The following UPF1 variants were observed in gnomAD, a reference collection of about 807,000 sequenced individuals.
UPF1 encodes the protein UPF1 RNA helicase and ATPase.
UPF1 carries 9 observed loss-of-function variants against 129.2 expected under a neutral mutation model. The observed-to-expected ratio is 0.07, with a 90% confidence interval of 0.04 to 0.12. The LOEUF (loss-of-function observed/expected upper bound fraction) is 0.12. UPF1 is among the 10% of genes least tolerant of loss of function. The pLI is 1.00. For missense variants in UPF1, 788 were observed against 1,525.3 expected (o/e 0.52, Z 8.05); for synonymous variants, 649 against 644.9 (o/e 1.01, Z -0.10).
chr19:18,838,188 A>G (rs1373798178), intron 1 of UPF1, among the ~76,000 whole-genome samples: 1 of 152,244 alleles, frequency 6.6e-6, no homozygotes, highest in Admixed American at 6.5e-5. Flanking sequence ...AAATCTGCAC[A>G]TGTAGCTGGG....
chr19:18,834,657 C>G (rs377274089), intron 1 of UPF1, among the ~76,000 whole-genome samples: 1 of 152,140 alleles, frequency 6.6e-6, no homozygotes, highest in African/African-American at 2.4e-5. Context: ...GAGTGGTACC[C>G]CTTTGCATCA....
chr19:18,857,391 G>T lies in UPF1; in HGVS notation c.2040G>T (p.Leu680=), dbSNP rs757585424. The T allele has an allele frequency of 6.2e-7, 1 of 1,613,530 alleles. No homozygotes were observed. Among genetic ancestry groups the T allele is most frequent in the Non-Finnish European group, 8.5e-7 (1 of 1,180,038 alleles). Reference sequence around the variant, plus strand: ...GCAAGAAGGCGGCCAAGGCCGGGCTGTCACAGTCGCTCTTCGAGCGCCTGG... The same window carrying T: ...GCAAGAAGGCGGCCAAGGCCGGGCTTTCACAGTCGCTCTTCGAGCGCCTGG... ...VMCKKAAKAG[L]SQSLFERLVV... is the part of the protein sequence containing the mutation. Residue 680 remains leucine, a synonymous_variant, in exon 15 of 24, where the codon CTG becomes CTT. Transcript: ENST00000262803.
chr19:18,849,978 C>G, intron 3 of UPF1, 97 bp from the exon 4 acceptor site: 2 of 1,494,036 alleles, frequency 1.3e-6, no homozygotes, highest in African/African-American at 1.4e-5. Context: ...GCTAATGGAC[C>G]GTGAACGGTA....
At chr19:18,855,312 G>A in intron 11 of UPF1, 70 bp downstream of exon 11, 1 of 1,541,178 alleles carries the variant, frequency 6.5e-7, no homozygotes, top group Non-Finnish European at 8.8e-7. Flanking sequence ...AAGGCCTGGT[G>A]CTGGGAGCCT....
rs905561652 is a variant in UPF1 at position 18,855,442 on chromosome 19, C to T, written c.1544+200C>T. 1.4e-5 allele frequency: 9 copies of T among 654,004 alleles called. No individual in the cohort carries two copies. In the South Asian group the frequency reaches 1.7e-4, roughly 13 times the overall value. 40.5% of individuals were successfully genotyped at this position (654,004 alleles called of 1,614,324 possible). ...TAGGATTGCATTTTAGTAACCAGGT[C>T]TGCTACTGGTTTAGAAAACTGGGGG... On this transcript the variant is annotated intron_variant, in intron 11 of 23. Transcript: ENST00000262803.
chr19:18,837,365 A>G (rs1449181780), intron 1 of UPF1, among the ~76,000 whole-genome samples: 1 of 152,204 alleles, frequency 6.6e-6, no homozygotes, highest in African/African-American at 2.4e-5. Flanking sequence ...TTGGAATTAC[A>G]GAGTGAGCCA....
chr19:18,844,048 T>C (rs1341643446), intron 1 of UPF1, among the ~76,000 whole-genome samples: 1 of 152,108 alleles, frequency 6.6e-6, no homozygotes, highest in East Asian at 1.9e-4. Flanking sequence ...TGAAGTGACC[T>C]ACTGTTGTGC....
Position 18,856,864 on chromosome 19 carries a change from C to T in UPF1, c.1825-13C>T. The T allele has an allele frequency of 1.9e-6, 3 of 1,607,924 alleles. No individual in the cohort carries two copies. The highest frequency in any genetic ancestry group is 1.1e-5 in the South Asian group (1 of 90,628). ...CAGTGCAGGTGCCCTGATGCCTCTGCACCCTTCCCCAGAACGCAGATGTCA... is the reference window on the plus strand; with the variant it reads ...CAGTGCAGGTGCCCTGATGCCTCTGTACCCTTCCCCAGAACGCAGATGTCA... On this transcript the variant is annotated splice_polypyrimidine_tract_variant and intron_variant, in intron 13 of 23. Coordinates refer to ENST00000262803, the MANE Select transcript of UPF1 (RefSeq NM_002911.4).
At chr19:18,846,544 G>A (rs112806394) in intron 2 of UPF1, among the ~76,000 whole-genome samples, 27 of 152,208 alleles carry the variant, frequency 1.8e-4, no homozygotes, top group African/African-American at 6.5e-4. Context: ...TGCCTTGGCC[G>A]TGCCTGGAGA....
Position 18,845,992 on chromosome 19 carries a change from G to A in UPF1, c.244G>A (p.Gly82Ser). 4.3e-6 allele frequency: 7 copies of A among 1,614,062 alleles called. No homozygotes were observed. Among genetic ancestry groups the A allele is most frequent in the Non-Finnish European group, 5.9e-6 (7 of 1,180,012 alleles). ...GQLDAQVGPE[G>S]ILQNGAVDDS... ...CGTTCTGCTGCAGGTTGGGCCCGAAGGCATCCTGCAGAACGGGGCTGTGGA... is the reference window on the plus strand; with the variant it reads ...CGTTCTGCTGCAGGTTGGGCCCGAAAGCATCCTGCAGAACGGGGCTGTGGA... The change falls in exon 2 of 24, where the codon GGC becomes AGC. Residue 82 changes from glycine (G) to serine (S), a missense_variant. Gly to Ser is a moderately conservative substitution (Grantham distance 56). Coordinates refer to ENST00000262803, the MANE Select transcript of UPF1 (RefSeq NM_002911.4).
In UPF1 at chr19:18,850,709, C is replaced by T. The variant is rs1354846069; in HGVS notation, c.651C>T (p.Ser217=). ...GCAGGCAGCCCTGTGCCAGCCAGAG[C>T]AGCCTCAAGGACATCAACTGGGACA... ...LLCRQPCASQ[S]SLKDINWDSS... is the part of the protein sequence containing the mutation. The change falls in exon 5 of 24, where the codon AGC becomes AGT. Residue 217 remains serine, a synonymous_variant. Coordinates refer to ENST00000262803, the MANE Select transcript of UPF1 (RefSeq NM_002911.4). The surrounding 1 kb of genome is among the most constrained non-coding windows in gnomAD (Gnocchi z 7.1). The T allele has an allele frequency of 1.9e-6, 3 of 1,601,692 alleles. No homozygotes were observed. Among genetic ancestry groups the T allele is most frequent in the African/African-American group, 2.7e-5 (2 of 74,706 alleles).
intron 1 of UPF1, among the ~76,000 whole-genome samples, chr19:18,840,553 C>T (rs1191196754): frequency 1.3e-5 from 2 of 152,006 alleles, no homozygotes; most frequent in Non-Finnish European, 2.9e-5. Flanking sequence ...TCATGGTGGT[C>T]GGGATAGTCT....
intron 11 of UPF1, 134 bp from the exon 12 acceptor site, chr19:18,855,778 GTTGAGGCTGCAAT>G: frequency 8.7e-7 from 1 of 1,149,846 alleles, no homozygotes; most frequent in Non-Finnish European, 1.2e-6. Context: ...AGCCCAGGAT[GTTGAGGCTGCAAT>G]TAGCTGAGAT....
intron 1 of UPF1, among the ~76,000 whole-genome samples, chr19:18,834,071 C>T (rs1381685749): frequency 6.6e-6 from 1 of 152,142 alleles, no homozygotes; most frequent in Non-Finnish European, 1.5e-5. Context: ...GGAGGCCCCA[C>T]CTCCTTGTAG....
At chr19:18,837,555 G>A (rs1244517633) in intron 1 of UPF1, among the ~76,000 whole-genome samples, 1 of 152,378 alleles carries the variant, frequency 6.6e-6, no homozygotes, top group East Asian at 1.9e-4. Flanking sequence ...ACAAAGCAGT[G>A]TGTACATCCA....
At chr19:18,843,665 G>A (rs2055566171) in intron 1 of UPF1, among the ~76,000 whole-genome samples, 1 of 151,338 alleles carries the variant, frequency 6.6e-6, no homozygotes, top group Non-Finnish European at 1.5e-5. Context: ...ACCATGCCCA[G>A]CTAATCTTTT....
intron 1 of UPF1, among the ~76,000 whole-genome samples, chr19:18,842,148 C>T (rs1335567666): frequency 6.6e-6 from 1 of 152,092 alleles, no homozygotes; most frequent in Non-Finnish European, 1.5e-5. Context: ...GGTGGTGGGA[C>T]TATGTGAAAG....
rs2055712654 is a variant in UPF1, at chr19:18,855,946, G to A, written c.1566G>A (p.Pro522=). Residue 522 remains proline, a synonymous_variant, in exon 12 of 24, where the codon CCG becomes CCA. Transcript: ENST00000262803. Reference sequence around the variant, plus strand: ...GCAGGCCGGTGCTGGTGTGTGCTCCGAGCAACATCGCCGTGGACCAGCTAA... The same window carrying A: ...GCAGGCCGGTGCTGGTGTGTGCTCCAAGCAACATCGCCGTGGACCAGCTAA... ...QGNGPVLVCA[P]SNIAVDQLTE... The A allele has an allele frequency of 3.7e-6, 6 of 1,613,724 alleles. No individual in the cohort carries two copies. Among genetic ancestry groups the A allele is most frequent in the East Asian group, 4.5e-5 (2 of 44,900 alleles).
chr19:18,835,508 AATTTTTGT>A (rs2055474437), intron 1 of UPF1, among the ~76,000 whole-genome samples: 1 of 152,006 alleles, frequency 6.6e-6, no homozygotes, highest in South Asian at 2.1e-4. Flanking sequence ...TGCCCCGGCT[AATTTTTGT>A]ATTTTTAGTA....
Sources: gnomAD v4.1 joint callset for allele counts (sites outside exome capture counted in the v4.1 genomes callset) on GRCh38, gnomAD v4.1.1 for gene constraint, Gnocchi (gnomAD v3.1) non-coding constraint, MANE v1.5 for transcripts, NCBI Gene and HGNC (gene_info 2026-07-23, HGNC 2026-07-21) for gene names.